Variants in SEC14L2 observed in about 807,000 individuals in gnomAD.
The protein encoded by SEC14L2 is SEC14-like protein 2.
SEC14L2 carries 50 observed loss-of-function variants against 56.9 expected under a neutral mutation model. The observed-to-expected ratio is 0.88, with a 90% confidence interval of 0.70 to 1.11. The LOEUF is 1.11. Ranked by LOEUF, SEC14L2 falls within the 50% of genes most tolerant of loss-of-function variation. The pLI, the probability that SEC14L2 is intolerant of heterozygous loss-of-function variation, is 0.00. For missense variants in SEC14L2, 414 were observed against 500.7 expected (o/e 0.83, Z 1.65); for synonymous variants, 179 against 188.5 (o/e 0.95, Z 0.41).
Position 30,424,150 on chromosome 22 carries a change from G to T in SEC14L2, c.*1743G>T, listed in dbSNP as rs1300870872. 1 of 155,736 alleles carries T rather than the reference G, an allele frequency of 6.4e-6. No homozygotes were observed. Among genetic ancestry groups the T allele is most frequent in the Non-Finnish European group, 1.4e-5 (1 of 69,958 alleles). The allele number at this position is 155,736 out of a possible 1,614,324, so 9.6% of individuals were successfully genotyped here. A position where few individuals can be genotyped will look rare whatever the true frequency, so the allele number is the denominator to read the frequency against. On this transcript the variant is annotated 3_prime_UTR_variant, in exon 12 of 12. Coordinates refer to ENST00000615189, the MANE Select transcript of SEC14L2 (RefSeq NM_012429.5). The stretch of plus-strand genomic sequence containing the variant: ...CCAGCTGCTCAGTACGTGCCGCGTA[G>T]CCCGTGCGAGCCAAGTGTGAGTCCG...
At chr22:30,410,754 C>T (rs1934226844) in intron 8 of SEC14L2, 75 bp downstream of exon 8, 10 of 1,384,748 alleles carry the variant, frequency 7.2e-6, no homozygotes, top group Non-Finnish European at 1.0e-5. Context: ...AGGGGTGTGG[C>T]CGTAGCCACC....
At chr22:30,409,638 C>A in intron 7 of SEC14L2, 152 bp downstream of exon 7, 1 of 782,106 alleles carries the variant, frequency 1.3e-6, no homozygotes, top group Admixed American at 2.1e-5. Flanking sequence ...TGGCTCACGC[C>A]TGTAACCCCA....
chr22:30,399,833 A>G, intron 2 of SEC14L2, 115 bp downstream of exon 2: 2 of 796,314 alleles, frequency 2.5e-6, no homozygotes, highest in Non-Finnish European at 3.9e-6. Flanking sequence ...TCCAACCTTT[A>G]GCGCCAAAGG....
intron 1 of SEC14L2, among the ~76,000 whole-genome samples, 153 bp downstream of exon 1, chr22:30,397,323 G>A (rs558229774): frequency 6.6e-6 from 1 of 152,354 alleles, no homozygotes; most frequent in East Asian, 1.9e-4. Flanking sequence ...CCGCGCCCGC[G>A]GATGGCTCCT....
intron 8 of SEC14L2, among the ~76,000 whole-genome samples, chr22:30,414,016 A>G (rs1191184974): frequency 6.6e-6 from 1 of 152,044 alleles, no homozygotes; most frequent in Non-Finnish European, 1.5e-5. Flanking sequence ...TTTTTGGTAG[A>G]GACGGGAGCT....
At chr22:30,417,545 G>C (rs974335425) in intron 11 of SEC14L2, among the ~76,000 whole-genome samples, 11 of 108,858 alleles carry the variant, frequency 1.0e-4, no homozygotes, top group Non-Finnish European at 2.0e-4. Context: ...CTAAGCTTCG[G>C]TTTCCGGACT....
intron 11 of SEC14L2, among the ~76,000 whole-genome samples, chr22:30,419,538 G>A (rs1162799896): frequency 1.3e-5 from 2 of 152,212 alleles, no homozygotes; most frequent in African/African-American, 4.8e-5. Context: ...GAGAGACTCT[G>A]TCTCAAAACA....
chr22:30,401,060 T>G (rs1345547993), intron 2 of SEC14L2, among the ~76,000 whole-genome samples: 1 of 150,006 alleles, frequency 6.7e-6, no homozygotes, highest in Non-Finnish European at 1.5e-5. Context: ...TCCTAAAATA[T>G]TAAAGTACAA....
chr22:30,410,172 A>T (rs144859417), intron 7 of SEC14L2, among the ~76,000 whole-genome samples: 2,311 of 151,646 alleles, frequency 0.015, 42 homozygotes, highest in Middle Eastern at 0.037. Flanking sequence ...CTGAGGCAAG[A>T]GCACTGCTTG....
intron 1 of SEC14L2, among the ~76,000 whole-genome samples, chr22:30,399,214 A>T (rs912939176): frequency 8.5e-5 from 13 of 152,072 alleles, no homozygotes; most frequent in African/African-American, 2.9e-4. Context: ...GAGTTGAACT[A>T]TGTTAAAGAG....
intron 2 of SEC14L2, among the ~76,000 whole-genome samples, chr22:30,404,778 A>G (rs557495821): frequency 2.5e-4 from 38 of 152,296 alleles, no homozygotes; most frequent in African/African-American, 9.1e-4. Context: ...TGTTGCCAAG[A>G]AAGTTCTTAG....
intron 11 of SEC14L2, among the ~76,000 whole-genome samples, chr22:30,419,226 C>G (rs1392207901): frequency 6.6e-6 from 1 of 152,160 alleles, no homozygotes; most frequent in African/African-American, 2.4e-5. Flanking sequence ...GCAAGTGTCT[C>G]TATTAGGTTT....
chr22:30,419,349 C>T (rs1330443259), intron 11 of SEC14L2, among the ~76,000 whole-genome samples: 6 of 152,120 alleles, frequency 3.9e-5, no homozygotes, highest in African/African-American at 1.4e-4. Context: ...GCCAACAGTT[C>T]GAGACCAGCC....
intron 8 of SEC14L2, 26 bp from the exon 9 acceptor site, chr22:30,415,733 T>G: frequency 6.2e-7 from 1 of 1,600,834 alleles, no homozygotes; most frequent in Non-Finnish European, 8.6e-7. Flanking sequence ...AGATACATCT[T>G]TATCCTTCCT....
rs1441365964 is a variant in SEC14L2, at chr22:30,398,121, C to T, written c.54+951C>T. 3.3e-5 allele frequency among the ~76,000 whole-genome samples: 5 copies of T among 152,196 alleles called. No individual in the cohort carries two copies. In the East Asian group the frequency reaches 9.6e-4, roughly 29 times the overall value. Reference sequence around the variant, plus strand: ...TGCCACTGGCAGCAGTGGGGAGGCACCAGCTCCATAAAGCCTCTGTCCCAG... The same window carrying T: ...TGCCACTGGCAGCAGTGGGGAGGCATCAGCTCCATAAAGCCTCTGTCCCAG... On this transcript the variant is annotated intron_variant, in intron 1 of 11. Coordinates refer to ENST00000615189, the MANE Select transcript of SEC14L2 (RefSeq NM_012429.5).
intron 2 of SEC14L2, among the ~76,000 whole-genome samples, chr22:30,404,368 C>T (rs1357252679): frequency 6.6e-6 from 1 of 152,082 alleles, no homozygotes; most frequent in Non-Finnish European, 1.5e-5. Flanking sequence ...CTTGAGGGAG[C>T]CTATGGGCCC....
chr22:30,416,605 G>A lies in SEC14L2; in HGVS notation c.1081+202G>A. 3.4e-6 allele frequency: 5 copies of A among 1,468,248 alleles called. No individual in the cohort carries two copies. The South Asian group carries it at 5.6e-5, about 16-fold the overall frequency. The allele number at this position is 1,468,248 out of a possible 1,614,324, so 91.0% of individuals were successfully genotyped here. ...TGACCCAACTGGTTAACAGCAGGGT[G>A]GGACTTTGATCTCATACTCCTAGGT... On this transcript the variant is annotated intron_variant, in intron 11 of 11. Coordinates refer to ENST00000615189, the MANE Select transcript of SEC14L2 (RefSeq NM_012429.5).
In SEC14L2 at chr22:30,423,786, G is replaced by C. The variant is rs1934589354; in HGVS notation, c.*1379G>C. On this transcript the variant is annotated 3_prime_UTR_variant, in exon 12 of 12. Coordinates refer to ENST00000615189, the MANE Select transcript of SEC14L2 (RefSeq NM_012429.5). ...GAACGCTCAGGACATCCCGGCCTGG[G>C]TTTACAACGCTGTTAGGAAAATTAA... is the stretch of plus-strand genomic sequence containing the variant. The C allele has an allele frequency of 6.6e-6, 1 of 152,352 alleles. No homozygotes were observed. The highest frequency in any genetic ancestry group is 2.1e-4 in the South Asian group (1 of 4,840). 9.4% of individuals were successfully genotyped at this position (152,352 alleles called of 1,614,324 possible). A position where few individuals can be genotyped will look rare whatever the true frequency, so the allele number is the denominator to read the frequency against.
Position 30,422,703 on chromosome 22 carries a change from T to A in SEC14L2, c.*296T>A. 3.4e-6 allele frequency: 1 copy of A among 292,248 alleles called. No homozygotes were observed. The highest frequency in any genetic ancestry group is 6.4e-6 in the Non-Finnish European group (1 of 155,144). 18.1% of individuals were successfully genotyped at this position (292,248 alleles called of 1,614,324 possible). A position where few individuals can be genotyped will look rare whatever the true frequency, so the allele number is the denominator to read the frequency against. On this transcript the variant is annotated 3_prime_UTR_variant, in exon 12 of 12. Transcript: ENST00000615189. ...GCGAAGCTGGGGGTGGCGGGGGGCA[T>A]GTACCACAGGGTGGCAGCAGGGAAA...
Sources: allele counts gnomAD v4.1 joint callset (sites outside exome capture counted in the v4.1 genomes callset), GRCh38; gene constraint gnomAD v4.1.1; transcripts MANE v1.5; gene names NCBI Gene and HGNC (gene_info 2026-07-23, HGNC 2026-07-21).